CCDC88B: variants seen among roughly 807,000 people sequenced by gnomAD.
CCDC88B encodes coiled-coil domain-containing protein 88B.
In CCDC88B, 138 loss-of-function variants were observed where a neutral mutation model predicts 183.7. The observed-to-expected ratio is 0.75, with a 90% CI of 0.65 to 0.87. The LOEUF is 0.87. CCDC88B is among the 40% of genes least tolerant of loss of function. The pLI, the probability that CCDC88B is intolerant of heterozygous loss-of-function variation, is 0.00. For missense variants in CCDC88B, 1,822 were observed against 1,965.6 expected (o/e 0.93, Z 1.38); for synonymous variants, 835 against 867.5 (o/e 0.96, Z 0.66).
rs745502433 is a variant in CCDC88B at position 64,349,348 on chromosome 11, G to C, written c.2634G>C (p.Val878=). Residue 878 remains valine (V), a synonymous_variant, in exon 15 of 27, where the codon GTG becomes GTC. Transcript: ENST00000356786. ...EALQAELEKA[V]VRGKELGDRL... ...GCCCTCAGGAGCTGGAGAAAGCTGT[G>C]GTGCGGGGCAAGGAGTTGGGGGACC... 1 of 1,610,740 alleles carries C rather than the reference G, an allele frequency of 6.2e-7. No individual in the cohort carries two copies. The highest frequency in any genetic ancestry group is 8.5e-7 in the Non-Finnish European group (1 of 1,179,052).
chr11:64,357,160 G>A lies in CCDC88B; in HGVS notation c.*66G>A. The A allele has an allele frequency of 1.9e-6, 3 of 1,589,760 alleles. No individual in the cohort carries two copies. Among genetic ancestry groups the A allele is most frequent in the Non-Finnish European group, 2.6e-6 (3 of 1,158,002 alleles). ...CACTGGAGTGTCAGCGGAGGCCCCA[G>A]GCAGCCCAAGAGCTCAGGGAGCCAG... is the stretch of plus-strand genomic sequence containing the variant. On this transcript the variant is annotated 3_prime_UTR_variant, in exon 27 of 27. Transcript: ENST00000356786.
chr11:64,348,035 G>C (rs551523507), intron 14 of CCDC88B, among the ~76,000 whole-genome samples: 46 of 115,922 alleles, frequency 4.0e-4, no homozygotes, highest in Admixed American at 9.4e-4. Context: ...GGGTGACAGA[G>C]CAAGACTCCG....
rs1484377462 is a variant in CCDC88B, at chr11:64,351,498, A to G, written c.2981A>G (p.Lys994Arg). The stretch of plus-strand genomic sequence containing the variant: ...CAGAATGCGATGCTGGTGGCAGAGA[A>G]GGCAGCTTTGCAGGGGCAGCTGCAG... ...ERSNAMLVAE[K>R]AALQGQLQHL... Residue 994 changes from lysine to arginine, a missense_variant, in exon 18 of 27, where the codon AAG (lysine) becomes AGG (arginine). Lys to Arg is a conservative substitution (Grantham distance 26). Coordinates refer to ENST00000356786, the MANE Select transcript of CCDC88B (RefSeq NM_032251.6). 3.8e-6 allele frequency: 6 copies of G among 1,588,276 alleles called. No individual in the cohort carries two copies. In the Admixed American group the frequency reaches 6.8e-5, roughly 18 times the overall value.
Position 64,343,591 on chromosome 11 carries a change from C to G in CCDC88B, c.1294C>G (p.Pro432Ala). The change falls in exon 12 of 27, where the codon CCA (proline) becomes GCA (alanine). Residue 432 changes from proline (P) to alanine (A), a missense_variant. Physicochemically the swap from Pro to Ala is conservative, Grantham distance 27. Transcript: ENST00000356786. ...GCTGGAGCTTCAGCGGAGCTTGGAGCCACCTCCAGGATCCCCTGGGGAGGG... is the reference window on the plus strand; with the variant it reads ...GCTGGAGCTTCAGCGGAGCTTGGAGGCACCTCCAGGATCCCCTGGGGAGGG... ...LELELQRSLE[P>A]PPGSPGEAPL... is the part of the protein sequence containing the mutation. 1 of 1,551,646 alleles carries G rather than the reference C, an allele frequency of 6.4e-7. No homozygotes were observed. The highest frequency in any genetic ancestry group is 8.7e-7 in the Non-Finnish European group (1 of 1,147,000).
rs777965349 is a variant in CCDC88B at position 64,357,298 on chromosome 11, G to A, written c.*204G>A. On this transcript the variant is annotated 3_prime_UTR_variant, in exon 27 of 27. Coordinates refer to ENST00000356786, the MANE Select transcript of CCDC88B (RefSeq NM_032251.6). ...GAGTGTGTGGACAGGGGGGATGGCT[G>A]GCCCCCACGAGCAGCTCCAGGCTGG... The A allele has an allele frequency of 4.5e-5, 33 of 736,658 alleles. No individual in the cohort carries two copies. The highest frequency in any genetic ancestry group is 7.5e-6 in the Non-Finnish European group (3 of 402,242). 45.6% of individuals were successfully genotyped at this position (736,658 alleles called of 1,614,324 possible).
chr11:64,347,953 G>A (rs1331469449), intron 14 of CCDC88B, among the ~76,000 whole-genome samples: 1 of 151,010 alleles, frequency 6.6e-6, no homozygotes, highest in Non-Finnish European at 1.5e-5. Context: ...GGGAGGCTGA[G>A]GTAGGAGAAT....
At chr11:64,341,923 T>C (rs201049666) in intron 7 of CCDC88B, 71 bp from the exon 8 acceptor site, 6 of 497,012 alleles carry the variant, frequency 1.2e-5, no homozygotes, top group Non-Finnish European at 1.9e-5. Context: ...CCATGTCTGG[T>C]GTTGTGGTTG....
rs1487922179 is a variant in CCDC88B at position 64,344,254 on chromosome 11, C to T, written c.1713C>T (p.Ala571=). Reference sequence around the variant, plus strand: ...AGGCAGCTGCCATGGACCCCCAGGCCTCAGACTGGTCCCCGCAAGAGTCAG... The same window carrying T: ...AGGCAGCTGCCATGGACCCCCAGGCTTCAGACTGGTCCCCGCAAGAGTCAG... ...PLQAAAMDPQ[A]SDWSPQESGS... is the part of the protein sequence containing the mutation. The change falls in exon 14 of 27, where the codon GCC becomes GCT. Residue 571 remains alanine, a synonymous_variant. Transcript: ENST00000356786. The surrounding 1 kb of genome is among the most constrained non-coding windows in gnomAD (Gnocchi z 4.5). The T allele has an allele frequency of 6.2e-7, 1 of 1,613,780 alleles. No homozygotes were observed. The highest frequency in any genetic ancestry group is 8.5e-7 in the Non-Finnish European group (1 of 1,179,990).
At chr11:64,353,846 C>T (rs1402761651) in intron 23 of CCDC88B, 33 bp downstream of exon 23, 3 of 1,611,266 alleles carry the variant, frequency 1.9e-6, no homozygotes, top group South Asian at 1.1e-5. Flanking sequence ...TCAGGCTGGA[C>T]ATCCTGCTAA....
chr11:64,348,940 G>A (rs1368334149), intron 14 of CCDC88B: 14 of 703,784 alleles, frequency 2.0e-5, no homozygotes, highest in Non-Finnish European at 3.5e-5. Flanking sequence ...TCTCTCACCC[G>A]ACCCACCTCT....
At chr11:64,349,779 C>A in intron 16 of CCDC88B, 111 bp downstream of exon 16, 3 of 1,046,154 alleles carry the variant, frequency 2.9e-6, no homozygotes, top group Non-Finnish European at 4.3e-6. Flanking sequence ...TCTTGGCTAG[C>A]TACTTGCCTC....
At position 64,342,001 on chromosome 11, in the gene CCDC88B, C is replaced by A; in HGVS notation, c.683C>A (p.Ala228Asp). The change falls in exon 8 of 27, where the codon GCT becomes GAT. Residue 228 changes from alanine to aspartate, a missense_variant. Transcript: ENST00000356786. Reference sequence around the variant, plus strand: ...TTGACCCCTGACCTACAGCGGCTGGCTGAACTGCTGCTGGAGCGAGAACCC... The same window carrying A: ...TTGACCCCTGACCTACAGCGGCTGGATGAACTGCTGCTGGAGCGAGAACCC... ...RERDLGAQRL[A>D]ELLLEREPLC... 4 of 1,612,832 alleles carry A rather than the reference C, an allele frequency of 2.5e-6. No individual in the cohort carries two copies. Among genetic ancestry groups the A allele is most frequent in the Non-Finnish European group, 3.4e-6 (4 of 1,179,750 alleles).
chr11:64,353,798 C>A lies in CCDC88B; in HGVS notation c.3917C>A (p.Pro1306His), dbSNP rs750401406. ...MDQYRVLEPV[P>H]LPRTKKGSWL... is the part of the protein sequence containing the mutation. ...CAATACCGCGTGCTGGAGCCTGTGC[C>A]CCTGCCCCGGACCAAGTGAGCAGCC... is the stretch of plus-strand genomic sequence containing the variant. The change falls in exon 23 of 27, where the codon CCC becomes CAC. Residue 1306 changes from proline to histidine, a missense_variant. Physicochemically the swap from Pro to His is moderately conservative, Grantham distance 77. Coordinates refer to ENST00000356786, the MANE Select transcript of CCDC88B (RefSeq NM_032251.6). The A allele has an allele frequency of 6.2e-7, 1 of 1,614,030 alleles. No individual in the cohort carries two copies. The highest frequency in any genetic ancestry group is 2.2e-5 in the East Asian group (1 of 44,874).
chr11:64,343,241 G>T lies in CCDC88B; in HGVS notation c.1125G>T (p.Glu375Asp). The T allele has an allele frequency of 6.5e-7, 1 of 1,547,730 alleles. No homozygotes were observed. Among genetic ancestry groups the T allele is most frequent in the Non-Finnish European group, 8.7e-7 (1 of 1,146,508 alleles). Reference sequence around the variant, plus strand: ...AGGCGCTGCTGGAAGAGCAGCTGGAGGCTGCCCGAGAGCGCTGCGCCCGGC... The same window carrying T: ...AGGCGCTGCTGGAAGAGCAGCTGGATGCTGCCCGAGAGCGCTGCGCCCGGC... Reference protein sequence around the residue: ...ASKALLEEQLEAARERCARLH... With the variant: ...ASKALLEEQLDAARERCARLH... The change falls in exon 11 of 27, where the codon GAG becomes GAT. Residue 375 changes from glutamate (E) to aspartate (D), a missense_variant. Coordinates refer to ENST00000356786, the MANE Select transcript of CCDC88B (RefSeq NM_032251.6).
In CCDC88B at chr11:64,348,341, AG is replaced by A. The variant is rs1248818073; in HGVS notation, c.2617-988del. On this transcript the variant is annotated intron_variant, in intron 14 of 26. Transcript: ENST00000356786. ...GGAGGTCAGGGAACCAGGGGGTCTC[AG>A]GTTGTCCACTGGGTGGGGAAGCCTC... 4.9e-5 allele frequency among the ~76,000 whole-genome samples: 6 copies of A among 123,610 alleles called. No homozygotes were observed. The Admixed American group carries it at 5.4e-4, about 11-fold the overall frequency. The allele number at this position is 123,610 out of a possible 152,430, so 81.1% of individuals were successfully genotyped here. A position where few individuals can be genotyped will look rare whatever the true frequency, so the allele number is the denominator to read the frequency against.
At chr11:64,342,422 G>A (rs1446559099) in intron 9 of CCDC88B, 47 bp downstream of exon 9, 3 of 1,549,114 alleles carry the variant, frequency 1.9e-6, no homozygotes, top group Admixed American at 2.0e-5. Flanking sequence ...TAACCTCCCC[G>A]CACCCGGTCC....
At chr11:64,354,263 T>TA in intron 24 of CCDC88B, 93 bp downstream of exon 24, 1 of 1,131,342 alleles carries the variant, frequency 8.8e-7, no homozygotes, top group Non-Finnish European at 1.1e-6. Context: ...CCTGCATGCG[T>TA]GACCCCATTG....
intron 18 of CCDC88B, 97 bp from the exon 19 acceptor site, chr11:64,352,033 C>G: frequency 6.8e-7 from 1 of 1,476,994 alleles, no homozygotes; most frequent in Non-Finnish European, 9.1e-7. Context: ...CTCTCATTGT[C>G]TTGGGCCCTA....
chr11:64,341,773 G>A (rs1178036890), intron 7 of CCDC88B, 31 bp downstream of exon 7: 2 of 1,542,692 alleles, frequency 1.3e-6, no homozygotes, highest in Admixed American at 4.4e-5. Flanking sequence ...GTGGACTCAG[G>A]TTGGGGAACT....
Sources: allele counts gnomAD v4.1 joint callset (sites outside exome capture counted in the v4.1 genomes callset), GRCh38; gene constraint gnomAD v4.1.1; non-coding constraint Gnocchi (gnomAD v3.1); transcripts MANE v1.5; gene names NCBI Gene and HGNC (gene_info 2026-07-23, HGNC 2026-07-21).